The following TM4SF18 variants were observed in gnomAD, a reference collection of about 807,000 sequenced individuals.
TM4SF18 encodes transmembrane 4 L six family member 18.
In TM4SF18, 22 loss-of-function variants were observed where a neutral mutation model predicts 23.8. The observed-to-expected ratio is 0.92, with a 90% CI of 0.66 to 1.32. TM4SF18 has a LOEUF of 1.32. Ranked by LOEUF, TM4SF18 falls within the 40% of genes most tolerant of loss-of-function variation. The pLI is 0.00. For synonymous variants in TM4SF18, 87 were observed against 87.9 expected, an observed-to-expected ratio of 0.99 and a Z score of 0.06; for missense variants, 255 against 240.3, an observed-to-expected ratio of 1.06 and a Z score of -0.41.
Position 149,330,406 on chromosome 3 carries a change from G to T in TM4SF18, c.191C>A (p.Thr64Lys). ...CFSGIMMLIV[T>K]TVLLVLENNN... ...ATTCTCCAGTACCAGAAGAACTGTT[G>T]TTACTATAAGCATCTATAGGAGGGA... The change falls in exon 3 of 6, where the codon ACA (threonine) becomes AAA (lysine). Residue 64 changes from threonine (T) to lysine (K), a missense_variant. By Grantham distance (78) the Thr-to-Lys change is moderately conservative. Transcript: ENST00000296059. 2 of 1,602,664 alleles carry T rather than the reference G, an allele frequency of 1.2e-6. No individual in the cohort carries two copies.
chr3:149,330,100 TC>T (rs1232721608), intron 3 of TM4SF18: 2 of 331,788 alleles, frequency 6.0e-6, no homozygotes, highest in Non-Finnish European at 1.1e-5. Flanking sequence ...AAGTATTATT[TC>T]CTAATTTTAG....
Position 149,322,320 on chromosome 3 carries a change from C to A in TM4SF18, c.527G>T (p.Cys176Phe), listed in dbSNP as rs202040503. The change falls in exon 5 of 6, where the codon TGC (cysteine) becomes TTC (phenylalanine). Residue 176 changes from cysteine (C) to phenylalanine (F), a missense_variant. By Grantham distance (205) the Cys-to-Phe change is radical (BLOSUM62 -2). Coordinates refer to ENST00000296059, the MANE Select transcript of TM4SF18 (RefSeq NM_138786.4). Reference sequence around the variant, plus strand: ...TAGTTGCATGACTACTCTGATGAGGCAGATGATCACTTGAAGCCCACTGAG... The same window carrying A: ...TAGTTGCATGACTACTCTGATGAGGAAGATGATCACTTGAAGCCCACTGAG... ...ITLSGLQVII[C>F]LIRVVMQLSK... 2 of 1,613,898 alleles carry A rather than the reference C, an allele frequency of 1.2e-6. No individual in the cohort carries two copies. Among genetic ancestry groups the A allele is most frequent in the Non-Finnish European group, 1.7e-6 (2 of 1,179,988 alleles).
At position 149,324,905 on chromosome 3, in the gene TM4SF18, ACTC is replaced by A; in HGVS notation, c.382_384del (p.Glu128del). 6.2e-7 allele frequency: 1 copy of A among 1,614,052 alleles called. No homozygotes were observed. Among genetic ancestry groups the A allele is most frequent in the Non-Finnish European group, 8.5e-7 (1 of 1,179,998 alleles). On this transcript the variant is annotated inframe_deletion, in exon 4 of 6. Transcript: ENST00000296059. The stretch of plus-strand genomic sequence containing the variant: ...CGTCCAGCAGTGCCTTCAAAAGCAT[ACTC>A]CCAGCCATCAAGGGTGCGGCAATAT...
At position 149,333,499 on chromosome 3, in the gene TM4SF18, T is replaced by TTTTGAGA; in HGVS notation, c.-18+13_-18+14insTCTCAAA. 1.2e-6 allele frequency: 1 copy of TTTTGAGA among 830,256 alleles called. No individual in the cohort carries two copies. 51.4% of individuals were successfully genotyped at this position (830,256 alleles called of 1,614,324 possible). ...CTCTCTCTCTTTTTTTTTTTTTTTT[T>TTTTGAGA]TGAGATTACCTACCACTTCCAGGGT... On this transcript the variant is annotated intron_variant, in intron 1 of 5. Coordinates refer to ENST00000296059, the MANE Select transcript of TM4SF18 (RefSeq NM_138786.4).
At chr3:149,333,439 A>C in intron 1 of TM4SF18, 40 bp from the exon 2 acceptor site, 1 of 1,076,550 alleles carries the variant, frequency 9.3e-7, no homozygotes, top group Non-Finnish European at 1.2e-6. Flanking sequence ...CAGAAAGTCT[A>C]TTTTTCTTCT....
chr3:149,322,310 T>G lies in TM4SF18; in HGVS notation c.537A>C (p.Arg179Ser). The G allele has an allele frequency of 6.2e-7, 1 of 1,614,080 alleles. No individual in the cohort carries two copies. Among genetic ancestry groups the G allele is most frequent in the Non-Finnish European group, 8.5e-7 (1 of 1,179,984 alleles). The change falls in exon 5 of 6, where the codon AGA becomes AGC. Residue 179 changes from arginine to serine, a missense_variant. Transcript: ENST00000296059. The part of the protein sequence containing the change: ...SGLQVIICLI[R>S]VVMQLSKILC... ...GTATCTTGGATAGTTGCATGACTAC[T>G]CTGATGAGGCAGATGATCACTTGAA...
intron 3 of TM4SF18, 118 bp from the exon 4 acceptor site, chr3:149,325,140 C>CCTG: frequency 2.4e-6 from 2 of 834,990 alleles, no homozygotes; most frequent in Admixed American, 3.0e-5. Context: ...CTATACAATA[C>CCTG]TAAATGCCCA....
chr3:149,326,213 G>A (rs900584863), intron 3 of TM4SF18, among the ~76,000 whole-genome samples: 1 of 152,108 alleles, frequency 6.6e-6, no homozygotes, highest in African/African-American at 2.4e-5. Flanking sequence ...ATTTACACTA[G>A]TCTTTCTGCC....
intron 4 of TM4SF18, among the ~76,000 whole-genome samples, chr3:149,323,488 T>A (rs116262044): frequency 0.054 from 8,199 of 152,236 alleles, 757 homozygotes; most frequent in African/African-American, 0.19. Context: ...TTGCAGGAAG[T>A]CGGGGACCCC....
At chr3:149,325,188 A>G (rs1229390302) in intron 3 of TM4SF18, among the ~76,000 whole-genome samples, 166 bp from the exon 4 acceptor site, 1 of 152,226 alleles carries the variant, frequency 6.6e-6, no homozygotes, top group African/African-American at 2.4e-5. Context: ...AACCTATTTG[A>G]TCTTAAAAAT....
chr3:149,330,587 A>C (rs1490874381), intron 2 of TM4SF18, among the ~76,000 whole-genome samples, 168 bp from the exon 3 acceptor site: 1 of 152,196 alleles, frequency 6.6e-6, no homozygotes, highest in Non-Finnish European at 1.5e-5. Flanking sequence ...CCTTCTGTAT[A>C]AAATGGTATC....
rs773323485 is a variant in TM4SF18, at chr3:149,322,351, T to C, written c.496A>G (p.Ile166Val). ...ATCACTTGAAGCCCACTGAGGGTTATGAGAATGGAAAATAAAATGATGTTC... is the reference window on the plus strand; with the variant it reads ...ATCACTTGAAGCCCACTGAGGGTTACGAGAATGGAAAATAAAATGATGTTC... ...EWNIILFSIL[I>V]TLSGLQVIIC... The change falls in exon 5 of 6, where the codon ATA (isoleucine) becomes GTA (valine). Residue 166 changes from isoleucine to valine, a missense_variant. Physicochemically the swap from Ile to Val is conservative, Grantham distance 29. Coordinates refer to ENST00000296059, the MANE Select transcript of TM4SF18 (RefSeq NM_138786.4). The C allele has an allele frequency of 6.2e-7, 1 of 1,614,040 alleles. No individual in the cohort carries two copies. Among genetic ancestry groups the C allele is most frequent in the Non-Finnish European group, 8.5e-7 (1 of 1,179,978 alleles).
chr3:149,324,463 C>T (rs1730886848), intron 4 of TM4SF18, among the ~76,000 whole-genome samples: 1 of 152,160 alleles, frequency 6.6e-6, no homozygotes, highest in Admixed American at 6.5e-5. Context: ...ACCATGGTTT[C>T]TCTCCTCCTC....
rs773323485 is a variant in TM4SF18, at chr3:149,322,351, T to A, written c.496A>T (p.Ile166Leu). 8 of 1,613,922 alleles carry A rather than the reference T, an allele frequency of 5.0e-6. No homozygotes were observed. The highest frequency in any genetic ancestry group is 6.8e-6 in the Non-Finnish European group (8 of 1,179,986). Residue 166 changes from isoleucine (I) to leucine (L), a missense_variant, in exon 5 of 6, where the codon ATA becomes TTA. Physicochemically the swap from Ile to Leu is conservative, Grantham distance 5. Coordinates refer to ENST00000296059, the MANE Select transcript of TM4SF18 (RefSeq NM_138786.4). ...EWNIILFSIL[I>L]TLSGLQVIIC... ...ATCACTTGAAGCCCACTGAGGGTTA[T>A]GAGAATGGAAAATAAAATGATGTTC...
chr3:149,323,173 C>T (rs1378746567), intron 4 of TM4SF18, among the ~76,000 whole-genome samples: 2 of 152,118 alleles, frequency 1.3e-5, no homozygotes, highest in Non-Finnish European at 2.9e-5. Context: ...GCTGGGATTA[C>T]AGGCATGAGC....
Position 149,321,807 on chromosome 3 carries a change from T to C in TM4SF18, c.592-315A>G, listed in dbSNP as rs549790932. Among the ~76,000 whole-genome samples the C allele has an allele frequency of 3.0e-3, 459 of 152,338 alleles. 2 individuals are homozygous for C. The highest frequency in any genetic ancestry group is 4.9e-3 in the Non-Finnish European group (332 of 68,028). On this transcript the variant is annotated intron_variant, in intron 5 of 5. Coordinates refer to ENST00000296059, the MANE Select transcript of TM4SF18 (RefSeq NM_138786.4). ...GGATAAATACATATTTCCCTTCTTC[T>C]TCAAAAGCACTCCTATGCACTCGAG...
At chr3:149,323,273 T>C (rs1007412159) in intron 4 of TM4SF18, among the ~76,000 whole-genome samples, 1 of 152,166 alleles carries the variant, frequency 6.6e-6, no homozygotes, top group Non-Finnish European at 1.5e-5. Flanking sequence ...TAAGAATGTG[T>C]ATACAAACAG....
intron 4 of TM4SF18, among the ~76,000 whole-genome samples, chr3:149,322,847 T>C (rs1301839938): frequency 2.0e-5 from 3 of 151,990 alleles, no homozygotes; most frequent in African/African-American, 7.3e-5. Flanking sequence ...AAATCAGAAT[T>C]CCTGGATTTG....
rs1258581612 is a variant in TM4SF18 at position 149,322,151 on chromosome 3, G to C, written c.591+105C>G. On this transcript the variant is annotated intron_variant, in intron 5 of 5. Transcript: ENST00000296059. ...GAATAAAGATGAGGGCAATAGAAAT[G>C]GGGGGAAAGTGATGGAATTCTAGAG... 8 of 988,114 alleles carry C rather than the reference G, an allele frequency of 8.1e-6. No homozygotes were observed. The South Asian group carries it at 1.4e-4, about 18-fold the overall frequency. The allele number at this position is 988,114 out of a possible 1,614,324, so 61.2% of individuals were successfully genotyped here. A position where few individuals can be genotyped will look rare whatever the true frequency, so the allele number is the denominator to read the frequency against.
Sources: gnomAD v4.1 joint callset for allele counts (sites outside exome capture counted in the v4.1 genomes callset) on GRCh38, gnomAD v4.1.1 for gene constraint, MANE v1.5 for transcripts, NCBI Gene and HGNC (gene_info 2026-07-23, HGNC 2026-07-21) for gene names.